The following RPTOR variants were observed in gnomAD, a reference collection of about 807,000 sequenced individuals.
RPTOR encodes the protein regulatory-associated protein of mTOR.
Under a neutral mutation model 169.9 loss-of-function variants are expected in RPTOR, and 21 were observed. The observed-to-expected ratio is 0.12, with a 90% CI of 0.09 to 0.18. The LOEUF (loss-of-function observed/expected upper bound fraction) is 0.18. Among genes scored for constraint, RPTOR ranks in the 10% least tolerant of loss-of-function variants. The probability of loss-of-function intolerance (pLI) is 1.00; values close to 1 mark genes in which losing one functional copy is unlikely to be tolerated. For missense variants in RPTOR, 1,133 were observed against 1,855.9 expected (o/e 0.61, Z 7.16); for synonymous variants, 732 against 753.2 (o/e 0.97, Z 0.46).
chr17:80,759,804 C>A lies in RPTOR; in HGVS notation c.830+5619C>A, dbSNP rs185500398. ...TCTAATTAAAAATGAAAGATACATT[C>A]TTTTCAGAAAATTACTAAAAAGTTA... On this transcript the variant is annotated intron_variant, in intron 6 of 33. Coordinates refer to ENST00000306801, the MANE Select transcript of RPTOR (RefSeq NM_020761.3). 2.6e-5 allele frequency among the ~76,000 whole-genome samples: 4 copies of A among 151,912 alleles called. No homozygotes were observed. In the East Asian group the frequency reaches 7.7e-4, roughly 29 times the overall value.
rs537891152 is a variant in RPTOR at position 80,847,926 on chromosome 17, C to T, written c.1314+1352C>T. On this transcript the variant is annotated intron_variant, in intron 11 of 33. Coordinates refer to ENST00000306801, the MANE Select transcript of RPTOR (RefSeq NM_020761.3). Reference sequence around the variant, plus strand: ...AACCGGGGCCAGTTTATCTCTGTCACGGCCATGGCCTCAGCAGCCTTCCCT... The same window carrying T: ...AACCGGGGCCAGTTTATCTCTGTCATGGCCATGGCCTCAGCAGCCTTCCCT... Among the ~76,000 whole-genome samples, 14 of 152,378 alleles carry T rather than the reference C, an allele frequency of 9.2e-5. No homozygotes were observed. The South Asian group carries it at 1.5e-3, about 16-fold the overall frequency.
At position 80,888,017 on chromosome 17, in the gene RPTOR, C is replaced by T. The variant is rs534274040; in HGVS notation, c.1983+2869C>T. Among the ~76,000 whole-genome samples the T allele has an allele frequency of 8.0e-4, 122 of 152,314 alleles. 1 individual carries two copies. The highest frequency in any genetic ancestry group is 3.7e-3 in the Admixed American group (57 of 15,310). The stretch of plus-strand genomic sequence containing the variant: ...TGCCTGGGCCGGGCTGGGCAGGAGC[C>T]GCACACAGGGACGGGCTCAGCGGGG... On this transcript the variant is annotated intron_variant, in intron 17 of 33. Transcript: ENST00000306801.
chr17:80,799,473 T>G (rs1350787516), intron 7 of RPTOR, among the ~76,000 whole-genome samples: 2 of 152,226 alleles, frequency 1.3e-5, no homozygotes, highest in African/African-American at 4.8e-5. Context: ...TCTGAAGACC[T>G]AGTTTAGCTG....
chr17:80,892,034 T>C (rs1359738823), intron 18 of RPTOR, among the ~76,000 whole-genome samples, 197 bp downstream of exon 18: 1 of 152,186 alleles, frequency 6.6e-6, no homozygotes, highest in Non-Finnish European at 1.5e-5. Flanking sequence ...ACACTGACCC[T>C]CTTACATTTT....
chr17:80,712,424 G>T (rs1385858866), intron 4 of RPTOR, among the ~76,000 whole-genome samples: 1 of 152,118 alleles, frequency 6.6e-6, no homozygotes, highest in Non-Finnish European at 1.5e-5. Context: ...CATATAGTAT[G>T]TAGCCTTTTC....
intron 2 of RPTOR, among the ~76,000 whole-genome samples, chr17:80,635,995 A>C (rs1032129399): frequency 1.3e-5 from 2 of 152,210 alleles, no homozygotes; most frequent in South Asian, 2.1e-4. Context: ...GTTACCGTTT[A>C]GAAGGCAGAC....
rs188489233 is a variant in RPTOR, at chr17:80,890,607, G to A, written c.1984-1113G>A. 3.9e-3 allele frequency among the ~76,000 whole-genome samples: 587 copies of A among 152,342 alleles called. 4 individuals carry two copies. Among genetic ancestry groups the A allele is most frequent in the Admixed American group, 7.5e-3 (115 of 15,304 alleles). ...GTGAGAGACTTGCAGTTCCATCGGCGCAAATCAAGAGGGCGCTGCAGGCTG... is the reference window on the plus strand; with the variant it reads ...GTGAGAGACTTGCAGTTCCATCGGCACAAATCAAGAGGGCGCTGCAGGCTG... On this transcript the variant is annotated intron_variant, in intron 17 of 33. Transcript: ENST00000306801.
chr17:80,680,289 TA>T (rs2065888522), intron 3 of RPTOR, among the ~76,000 whole-genome samples: 1 of 152,196 alleles, frequency 6.6e-6, no homozygotes, highest in Non-Finnish European at 1.5e-5. Flanking sequence ...ACTGGAATCC[TA>T]GAAGAGAATG....
At chr17:80,839,958 G>T (rs976412187) in intron 10 of RPTOR, among the ~76,000 whole-genome samples, 10 of 152,150 alleles carry the variant, frequency 6.6e-5, no homozygotes, top group African/African-American at 2.4e-4. Flanking sequence ...ACCATGTTGG[G>T]GTGTCAGGAC....
intron 14 of RPTOR, 59 bp from the exon 15 acceptor site, chr17:80,883,360 C>T (rs2068207025): frequency 1.4e-6 from 2 of 1,462,846 alleles, no homozygotes; most frequent in African/African-American, 1.4e-5. Context: ...CGCTGTTGTA[C>T]TTTGGGAATG....
chr17:80,621,885 G>T (rs995096856), intron 1 of RPTOR, among the ~76,000 whole-genome samples: 5 of 152,232 alleles, frequency 3.3e-5, no homozygotes, highest in African/African-American at 1.2e-4. Context: ...GGAGCATGTG[G>T]ATAAACGGGG....
rs895001570 is a variant in RPTOR at position 80,708,833 on chromosome 17, A to G, written c.507+834A>G. 1.6e-6 allele frequency: 1 copy of G among 612,588 alleles called. No individual in the cohort carries two copies. The allele number at this position is 612,588 out of a possible 1,614,324, so 37.9% of individuals were successfully genotyped here. A position where few individuals can be genotyped will look rare whatever the true frequency, so the allele number is the denominator to read the frequency against. On this transcript the variant is annotated intron_variant, in intron 4 of 33. Coordinates refer to ENST00000306801, the MANE Select transcript of RPTOR (RefSeq NM_020761.3). This position sits in a 1 kb window ranked among gnomAD's most constrained non-coding sequence, Gnocchi z 4.2. The stretch of plus-strand genomic sequence containing the variant: ...CCATATGTGCCTGAGCGTGTCTATG[A>G]GGGCACTGATTTGGAATCCAGCAAA...
In RPTOR at chr17:80,585,208, G is replaced by T. The variant is rs867381239; in HGVS notation, c.162+39417G>T. On this transcript the variant is annotated intron_variant, in intron 1 of 33. Transcript: ENST00000306801. ...TATTATTATTATTATTATTATTTTT[G>T]TTTTTTTTTTTCCTGAGATGGAGTC... Among the ~76,000 whole-genome samples the T allele has an allele frequency of 1.1e-3, 133 of 120,658 alleles. 2 individuals carry two copies. The highest frequency in any genetic ancestry group is 4.2e-3 in the African/African-American group (129 of 30,554). 79.2% of individuals were successfully genotyped at this position (120,658 alleles called of 152,430 possible).
chr17:80,768,886 A>C (rs778760505), intron 6 of RPTOR, among the ~76,000 whole-genome samples: 27 of 152,326 alleles, frequency 1.8e-4, no homozygotes, highest in Non-Finnish European at 2.8e-4. Context: ...AAAAACTGTC[A>C]GTGCATTCAG....
At position 80,726,292 on chromosome 17, in the gene RPTOR, C is replaced by T. The variant is rs144216207; in HGVS notation, c.508-4268C>T. 1.8e-3 allele frequency among the ~76,000 whole-genome samples: 276 copies of T among 152,300 alleles called. 2 individuals carry two copies. Among genetic ancestry groups the T allele is most frequent in the Admixed American group, 3.1e-3 (48 of 15,304 alleles). On this transcript the variant is annotated intron_variant, in intron 4 of 33. Transcript: ENST00000306801. This position sits in a 1 kb window ranked among gnomAD's most constrained non-coding sequence, Gnocchi z 4.5. ...GCCCTGTGCCGTGCTGCCTCCTGGACGCACGCTAGGAGGTGGAGATGGTCC... is the reference window on the plus strand; with the variant it reads ...GCCCTGTGCCGTGCTGCCTCCTGGATGCACGCTAGGAGGTGGAGATGGTCC...
Position 80,892,853 on chromosome 17 carries a change from G to T in RPTOR, c.2226G>T (p.Leu742=), listed in dbSNP as rs1035093930. The change falls in exon 19 of 34, where the codon CTG becomes CTT. Residue 742 remains leucine (L), a synonymous_variant. Transcript: ENST00000306801. ...GCCTCAACAAATCTTTGCAGAACCT[G>T]AGTTTGACAGAGGAATGTAAGATCC... The part of the protein sequence containing the change: ...ARSLNKSLQN[L]SLTEESGGAV... 1 of 1,613,954 alleles carries T rather than the reference G, an allele frequency of 6.2e-7. No individual in the cohort carries two copies. The highest frequency in any genetic ancestry group is 1.3e-5 in the African/African-American group (1 of 74,938).
chr17:80,777,996 T>A (rs1489467822), intron 6 of RPTOR, among the ~76,000 whole-genome samples: 1 of 152,192 alleles, frequency 6.6e-6, no homozygotes, highest in African/African-American at 2.4e-5. Flanking sequence ...AAAGTGTTAT[T>A]TCATTATGCA....
In RPTOR at chr17:80,957,984, AAGT is replaced by A. The variant is rs1190961805; in HGVS notation, c.3477+258_3477+260del. 6.6e-6 allele frequency among the ~76,000 whole-genome samples: 1 copy of A among 152,200 alleles called. No homozygotes were observed. Among genetic ancestry groups the A allele is most frequent in the African/African-American group, 2.4e-5 (1 of 41,440 alleles). On this transcript the variant is annotated intron_variant, in intron 29 of 33. Coordinates refer to ENST00000306801, the MANE Select transcript of RPTOR (RefSeq NM_020761.3). This position sits in a 1 kb window ranked among gnomAD's most constrained non-coding sequence, Gnocchi z 4.6. The stretch of plus-strand genomic sequence containing the variant: ...GGCTGCGCCAGCTCTGAGTGTTTGC[AAGT>A]AGTGTCTTCTCTCTGCAAATTAAGG...
chr17:80,830,153 C>T (rs1436186671), intron 9 of RPTOR, among the ~76,000 whole-genome samples: 1 of 152,172 alleles, frequency 6.6e-6, no homozygotes, highest in East Asian at 1.9e-4. Flanking sequence ...TATAGGTGTA[C>T]ACAGATTCTC....
Sources: gnomAD v4.1 joint callset for allele counts (sites outside exome capture counted in the v4.1 genomes callset) on GRCh38, gnomAD v4.1.1 for gene constraint, Gnocchi (gnomAD v3.1) non-coding constraint, MANE v1.5 for transcripts, NCBI Gene and HGNC (gene_info 2026-07-23, HGNC 2026-07-21) for gene names.